Variants in YTHDC1 observed in about 807,000 individuals in gnomAD.
The protein encoded by YTHDC1 is YTH N6-methyladenosine RNA binding protein C1.
Under a neutral mutation model 107.0 loss-of-function variants are expected in YTHDC1, and 12 were observed. That is an observed-to-expected ratio of 0.11 (90% CI 0.07 to 0.18). The LOEUF (loss-of-function observed/expected upper bound fraction) is 0.18. YTHDC1 is among the 10% of genes least tolerant of loss of function. The pLI, the probability that YTHDC1 is intolerant of heterozygous loss-of-function variation, is 1.00. For missense variants in YTHDC1, 635 were observed against 898.8 expected (o/e 0.71, Z 3.75); for synonymous variants, 280 against 289.5 (o/e 0.97, Z 0.33).
At chr4:68,331,851 C>A (rs567059336) in intron 7 of YTHDC1, among the ~76,000 whole-genome samples, 9 of 150,928 alleles carry the variant, frequency 6.0e-5, no homozygotes, top group African/African-American at 1.7e-4. Flanking sequence ...TCTTTTACAG[C>A]AAAAAGTTAA....
Position 68,314,040 on chromosome 4 carries a change from AC to A in YTHDC1, c.*58del. ...ATAAATTTACTACTTGTAAACACAC[AC>A]AAAAAAAAAATACAAGATTTTTTGT... On this transcript the variant is annotated 3_prime_UTR_variant, in exon 17 of 17. Coordinates refer to ENST00000344157, the MANE Select transcript of YTHDC1 (RefSeq NM_001031732.4). 1 of 1,550,322 alleles carries A rather than the reference AC, an allele frequency of 6.5e-7. No individual in the cohort carries two copies. The highest frequency in any genetic ancestry group is 8.8e-7 in the Non-Finnish European group (1 of 1,134,812).
intron 9 of YTHDC1, among the ~76,000 whole-genome samples, chr4:68,329,660 GACTAA>G (rs1274432079): frequency 6.6e-6 from 1 of 152,088 alleles, no homozygotes; most frequent in Non-Finnish European, 1.5e-5. Context: ...TACTGTCCAC[GACTAA>G]ACTAGTTACC....
intron 4 of YTHDC1, among the ~76,000 whole-genome samples, chr4:68,333,952 C>A (rs948383546): frequency 1.3e-5 from 2 of 152,078 alleles, no homozygotes; most frequent in Non-Finnish European, 2.9e-5. Flanking sequence ...TTCTCCTTAG[C>A]CATTTCCTCC....
intron 10 of YTHDC1, among the ~76,000 whole-genome samples, chr4:68,323,932 A>T (rs867881637): frequency 1.3e-5 from 2 of 152,250 alleles, no homozygotes; most frequent in South Asian, 2.1e-4. Flanking sequence ...ATCAAATGAA[A>T]GTACCATATA....
chr4:68,338,134 C>T, intron 2 of YTHDC1, 149 bp downstream of exon 2: 3 of 1,297,456 alleles, frequency 2.3e-6, no homozygotes, highest in Admixed American at 2.9e-5. Context: ...CAGATTATCC[C>T]TATTCATATG....
intron 9 of YTHDC1, among the ~76,000 whole-genome samples, chr4:68,329,464 A>G (rs941627563): frequency 6.6e-6 from 1 of 152,202 alleles, no homozygotes; most frequent in African/African-American, 2.4e-5. Context: ...TATGCCACGT[A>G]AAGATCACTT....
chr4:68,346,073 GTGTACATATATATA>G lies in YTHDC1; in HGVS notation c.28+3639_28+3652del, dbSNP rs546800643. On this transcript the variant is annotated intron_variant, in intron 1 of 16. Coordinates refer to ENST00000344157, the MANE Select transcript of YTHDC1 (RefSeq NM_001031732.4). Reference sequence around the variant, plus strand: ...TGCATGTGTGTGCACATGACTGTGTGTGTACATATATATATATATATATATATACACACACACCT... The same window carrying G: ...TGCATGTGTGTGCACATGACTGTGTGTATATATATATATACACACACACCT... Among the ~76,000 whole-genome samples the G allele has an allele frequency of 7.3e-3, 410 of 56,388 alleles. 3 individuals carry two copies. Among genetic ancestry groups the G allele is most frequent in the African/African-American group, 0.027 (388 of 14,582 alleles). 37.0% of individuals were successfully genotyped at this position (56,388 alleles called of 152,430 possible).
intron 15 of YTHDC1, 76 bp from the exon 16 acceptor site, chr4:68,316,524 C>A: frequency 6.6e-7 from 1 of 1,506,168 alleles, no homozygotes. Flanking sequence ...ACCCTTCATC[C>A]AAAACACCAA....
In YTHDC1 at chr4:68,332,191, G is replaced by C. The variant is rs752722651; in HGVS notation, c.1034C>G (p.Thr345Ser). The C allele has an allele frequency of 2.7e-5, 43 of 1,591,874 alleles. No individual in the cohort carries two copies. Among genetic ancestry groups the C allele is most frequent in the Non-Finnish European group, 3.6e-5 (42 of 1,168,844 alleles). ...SSVRAVRKDQTSKLKYVLQDA... is the reference protein window; with the variant it reads ...SSVRAVRKDQSSKLKYVLQDA... ...TTGAAGCACATATTTGAGTTTACTG[G>C]TTTGATCTGAAAAAAAAAGAAACCC... The change falls in exon 7 of 17, where the codon ACC (threonine) becomes AGC (serine). Residue 345 changes from threonine (T) to serine (S), a missense_variant. This residue lies in a region of YTHDC1 where 60 missense variants were observed against 172.0 expected (regional missense o/e 0.35). Transcript: ENST00000344157.
At chr4:68,330,719 TTACTC>T (rs1343856678) in intron 7 of YTHDC1, among the ~76,000 whole-genome samples, 2 of 152,162 alleles carry the variant, frequency 1.3e-5, no homozygotes, top group Non-Finnish European at 2.9e-5. Flanking sequence ...TAATTTAAAA[TTACTC>T]TATTAGTCAA....
chr4:68,318,909 T>C (rs1224908728), intron 12 of YTHDC1, 47 bp from the exon 13 acceptor site: 4 of 1,595,500 alleles, frequency 2.5e-6, no homozygotes, highest in Non-Finnish European at 3.4e-6. Flanking sequence ...ATATTTTTCT[T>C]TTATGGCATT....
rs370728191 is a variant in YTHDC1, at chr4:68,337,916, TAAAA to T, written c.131-20_131-17del. Reference sequence around the variant, plus strand: ...CTTTTTGATCCTTTAAAATACAATGTAAAAAAAAAAAAAAGAAGTATTTGTAGTA... The same window carrying T: ...CTTTTTGATCCTTTAAAATACAATGTAAAAAAAAAAGAAGTATTTGTAGTA... On this transcript the variant is annotated splice_polypyrimidine_tract_variant and intron_variant, in intron 2 of 16. Transcript: ENST00000344157. 11 of 1,398,396 alleles carry T rather than the reference TAAAA, an allele frequency of 7.9e-6. No individual in the cohort carries two copies. In the Admixed American group the frequency reaches 1.3e-4, roughly 16 times the overall value. The allele number at this position is 1,398,396 out of a possible 1,614,324, so 86.6% of individuals were successfully genotyped here.
intron 9 of YTHDC1, among the ~76,000 whole-genome samples, chr4:68,328,959 A>T (rs1723280705): frequency 6.6e-6 from 1 of 152,244 alleles, no homozygotes. Context: ...GTATAGTAAA[A>T]TATGGTATTA....
In YTHDC1 at chr4:68,337,355, A is replaced by C; in HGVS notation, c.555T>G (p.Thr185=). ...GCTCATCAGAAGAACCACTGCTGCC[A>C]GTCTCATGGTCAGAGCCATATTCTT... ...NSEEYGSDHE[T]GSSGSSDEQG... Residue 185 remains threonine, a synonymous_variant, in exon 4 of 17, where the codon ACT becomes ACG. Coordinates refer to ENST00000344157, the MANE Select transcript of YTHDC1 (RefSeq NM_001031732.4). 1 of 1,614,056 alleles carries C rather than the reference A, an allele frequency of 6.2e-7. No individual in the cohort carries two copies. Among genetic ancestry groups the C allele is most frequent in the Non-Finnish European group, 8.5e-7 (1 of 1,180,000 alleles).
intron 4 of YTHDC1, among the ~76,000 whole-genome samples, chr4:68,335,671 T>TG (rs1426907328): frequency 1.3e-5 from 2 of 151,470 alleles, no homozygotes; most frequent in Admixed American, 6.6e-5. Context: ...CCCAAGGGAG[T>TG]GGTTTCATAC....
Position 68,349,976 on chromosome 4 carries a change from T to C in YTHDC1, c.-223A>G. The C allele has an allele frequency of 3.2e-6, 2 of 631,858 alleles. No homozygotes were observed. The highest frequency in any genetic ancestry group is 5.5e-6 in the Non-Finnish European group (2 of 365,354). 39.1% of individuals were successfully genotyped at this position (631,858 alleles called of 1,614,324 possible). ...ATCCAGCGGCCTAGGCCCAGCCTTC[T>C]CGTTAGGGCTCAGACTCGGGCTAGG... On this transcript the variant is annotated 5_prime_UTR_variant, in exon 1 of 17. Transcript: ENST00000344157.
At chr4:68,316,879 C>G (rs1171929382) in intron 15 of YTHDC1, among the ~76,000 whole-genome samples, 1 of 152,204 alleles carries the variant, frequency 6.6e-6, no homozygotes, top group Non-Finnish European at 1.5e-5. Flanking sequence ...CATACGGCAT[C>G]AGGCATCCTA....
Position 68,322,999 on chromosome 4 carries a change from C to G in YTHDC1, c.1435-84G>C. On this transcript the variant is annotated intron_variant, in intron 10 of 16. Coordinates refer to ENST00000344157, the MANE Select transcript of YTHDC1 (RefSeq NM_001031732.4). This position sits in a 1 kb window ranked among gnomAD's most constrained non-coding sequence, Gnocchi z 4.8. ...TTTTCCTGATGTACCAGAACAAAAA[C>G]TGACTTGGAAGCTTTCTTCCCAAGG... 7.1e-7 allele frequency: 1 copy of G among 1,401,270 alleles called. No homozygotes were observed. The highest frequency in any genetic ancestry group is 9.8e-7 in the Non-Finnish European group (1 of 1,023,812). The allele number at this position is 1,401,270 out of a possible 1,614,324, so 86.8% of individuals were successfully genotyped here. A position where few individuals can be genotyped will look rare whatever the true frequency, so the allele number is the denominator to read the frequency against.
At position 68,316,303 on chromosome 4, in the gene YTHDC1, T is replaced by C. The variant is rs201706908; in HGVS notation, c.1959+11A>G. 700 of 1,609,542 alleles carry C rather than the reference T, an allele frequency of 4.3e-4. 3 individuals carry two copies. The highest frequency in any genetic ancestry group is 3.0e-3 in the Middle Eastern group (18 of 6,044). ...TAGTTCCCTCACACCTTTGCCTCCT[T>C]GTGCACTTACTACTCGTTTATCTCT... is the stretch of plus-strand genomic sequence containing the variant. On this transcript the variant is annotated intron_variant, in intron 16 of 16. Transcript: ENST00000344157.
Sources: allele counts gnomAD v4.1 joint callset (sites outside exome capture counted in the v4.1 genomes callset), GRCh38; gene constraint gnomAD v4.1.1; regional missense constraint gnomAD v4.1.1; non-coding constraint Gnocchi (gnomAD v3.1); transcripts MANE v1.5; gene names NCBI Gene and HGNC (gene_info 2026-07-23, HGNC 2026-07-21).